PCDHA8: variants seen among roughly 807,000 people sequenced by gnomAD.
PCDHA8 encodes protocadherin alpha-8.
Under a neutral mutation model 61.8 loss-of-function variants are expected in PCDHA8, and 53 were observed. The observed-to-expected ratio is 0.86, with a 90% CI of 0.69 to 1.08. PCDHA8 has a LOEUF of 1.08. Ranked by LOEUF, PCDHA8 falls within the 50% of genes least tolerant of loss-of-function variation. PCDHA8 has a pLI of 0.00. For synonymous variants in PCDHA8, 618 were observed against 556.6 expected, an observed-to-expected ratio of 1.11 and a Z score of -1.55; for missense variants, 1,293 against 1,245.0, an observed-to-expected ratio of 1.04 and a Z score of -0.58.
chr5:140,864,968 G>C (rs1354647495), intron 1 of PCDHA8: 1 of 152,146 alleles, frequency 6.6e-6, no homozygotes, highest in Non-Finnish European at 1.5e-5. Flanking sequence ...GAAGCCGAGG[G>C]AGGAGGATCG....
At chr5:140,978,763 A>G (rs932766044) in intron 1 of PCDHA8, among the ~76,000 whole-genome samples, 186 bp from the exon 2 acceptor site, 11 of 152,258 alleles carry the variant, frequency 7.2e-5, no homozygotes, top group Non-Finnish European at 1.3e-4. Flanking sequence ...GAGGACCCTG[A>G]TGAACTAATT....
At chr5:140,876,004 T>A in intron 1 of PCDHA8, 1 of 1,613,866 alleles carries the variant, frequency 6.2e-7, no homozygotes, top group African/African-American at 1.3e-5. Context: ...AAATGAGAAT[T>A]TTGAGCTTAA....
intron 3 of PCDHA8, among the ~76,000 whole-genome samples, chr5:141,009,108 A>G (rs529319870): frequency 5.3e-5 from 8 of 152,346 alleles, no homozygotes; most frequent in African/African-American, 1.9e-4. Context: ...TGTTACTATG[A>G]AACTAGATTC....
chr5:140,861,023 C>T (rs1192782331), intron 1 of PCDHA8: 1 of 152,246 alleles, frequency 6.6e-6, no homozygotes, highest in Non-Finnish European at 1.5e-5. Context: ...GCCACCGCAC[C>T]CGGCCGAAAG....
chr5:140,976,788 G>A (rs969853431), intron 1 of PCDHA8, among the ~76,000 whole-genome samples: 4 of 152,218 alleles, frequency 2.6e-5, no homozygotes, highest in Middle Eastern at 3.4e-3. Flanking sequence ...ATATAGCTAC[G>A]CTTTTATGAA....
At chr5:140,850,454 C>A (rs2150484793) in intron 1 of PCDHA8, 7 of 1,597,724 alleles carry the variant, frequency 4.4e-6, no homozygotes, top group Non-Finnish European at 5.1e-6. Flanking sequence ...TGGTGAAAGA[C>A]CACGGGGAGC....
rs74520967 is a variant in PCDHA8 at position 140,931,074 on chromosome 5, G to A, written c.2395-47875G>A. Among the ~76,000 whole-genome samples, 869 of 152,264 alleles carry A rather than the reference G, an allele frequency of 5.7e-3. 7 individuals are homozygous for A. The highest frequency in any genetic ancestry group is 0.018 in the African/African-American group (768 of 41,552). ...ATGCTGTGTCTGGGACTAAGTATGAGTCCAGTTCTACAGATGACAAAGGAA... is the reference window on the plus strand; with the variant it reads ...ATGCTGTGTCTGGGACTAAGTATGAATCCAGTTCTACAGATGACAAAGGAA... On this transcript the variant is annotated intron_variant, in intron 1 of 3. Coordinates refer to ENST00000531613, the MANE Select transcript of PCDHA8 (RefSeq NM_018911.3).
At chr5:140,889,745 T>G (rs1295441616) in intron 1 of PCDHA8, among the ~76,000 whole-genome samples, 2 of 152,202 alleles carry the variant, frequency 1.3e-5, no homozygotes, top group Non-Finnish European at 2.9e-5. Flanking sequence ...CAGAGTCTAA[T>G]TTTTCTTTCC....
At chr5:140,952,962 C>A (rs246032) in intron 1 of PCDHA8, among the ~76,000 whole-genome samples, 85,448 of 151,620 alleles carry the variant, frequency 0.56, 24,697 homozygotes, top group African/African-American at 0.69. Context: ...GGAAGTGATA[C>A]ACACTTTTAA....
intron 1 of PCDHA8, among the ~76,000 whole-genome samples, chr5:140,976,072 T>C (rs1193049661): frequency 6.6e-6 from 1 of 152,250 alleles, no homozygotes; most frequent in South Asian, 2.1e-4. Context: ...TGTCTTACTG[T>C]GTCAGATATA....
Position 140,968,743 on chromosome 5 carries a change from C to T in PCDHA8, c.2395-10206C>T, listed in dbSNP as rs112674082. On this transcript the variant is annotated intron_variant, in intron 1 of 3. Coordinates refer to ENST00000531613, the MANE Select transcript of PCDHA8 (RefSeq NM_018911.3). ...AGAGTGGTAGCACTTTCAACCTGAC[C>T]GTGGTGGTCCGAGATAATGGAGAGC... is the stretch of plus-strand genomic sequence containing the variant. The T allele has an allele frequency of 3.4e-5, 55 of 1,614,060 alleles. No individual in the cohort carries two copies. In the African/African-American group the frequency reaches 5.1e-4, roughly 15 times the overall value.
chr5:140,864,439 T>A (rs2048478325), intron 1 of PCDHA8: 1 of 152,242 alleles, frequency 6.6e-6, no homozygotes, highest in South Asian at 2.1e-4. Flanking sequence ...CAATTTTGTT[T>A]CTTCATGATC....
chr5:140,894,375 T>A (rs1246573357), intron 1 of PCDHA8, among the ~76,000 whole-genome samples: 1 of 152,054 alleles, frequency 6.6e-6, no homozygotes, highest in African/African-American at 2.4e-5. Flanking sequence ...ATGGCTCCAA[T>A]TATATTTGTA....
Position 140,849,019 on chromosome 5 carries a change from A to G in PCDHA8, c.2394+5304A>G, listed in dbSNP as rs144148683. On this transcript the variant is annotated intron_variant, in intron 1 of 3. Coordinates refer to ENST00000531613, the MANE Select transcript of PCDHA8 (RefSeq NM_018911.3). ...CTGCTCACTTACAGACTGAGCCCCA[A>G]TGAGTATTTCTTCCTGGACGTGCCA... 14,073 of 1,587,530 alleles carry G rather than the reference A, an allele frequency of 8.9e-3. 240 individuals carry two copies. Among genetic ancestry groups the G allele is most frequent in the Non-Finnish European group, 0.011 (13,037 of 1,163,614 alleles).
intron 1 of PCDHA8, among the ~76,000 whole-genome samples, chr5:140,881,010 T>C (rs782629592): frequency 5.3e-5 from 8 of 152,198 alleles, no homozygotes; most frequent in South Asian, 4.1e-4. Flanking sequence ...AGCAGAGCTA[T>C]GGAAATAAAC....
rs2150350980 is a variant in PCDHA8 at position 140,843,047 on chromosome 5, G to T, written c.1726G>T (p.Ala576Ser). ...LEPRVGGTGGAASKLVPRSVG... is the reference protein window; with the variant it reads ...LEPRVGGTGGSASKLVPRSVG... ...GCCTCGGGTGGGTGGCACTGGTGGC[G>T]CAGCGAGCAAGCTGGTGCCGCGGTC... Residue 576 changes from alanine (A) to serine (S), a missense_variant, in exon 1 of 4, where the codon GCA becomes TCA. Ala to Ser is a moderately conservative substitution (Grantham distance 99, BLOSUM62 1). Coordinates refer to ENST00000531613, the MANE Select transcript of PCDHA8 (RefSeq NM_018911.3). The T allele has an allele frequency of 1.9e-6, 3 of 1,594,938 alleles. No homozygotes were observed. The highest frequency in any genetic ancestry group is 2.6e-6 in the Non-Finnish European group (3 of 1,165,276).
chr5:140,966,486 C>G (rs1563351032), intron 1 of PCDHA8: 1 of 432,846 alleles, frequency 2.3e-6, no homozygotes. Context: ...CTTTTCCCTC[C>G]CCCTGGAGCT....
rs543675270 is a variant in PCDHA8 at position 140,877,484 on chromosome 5, A to G, written c.2394+33769A>G. 2.3e-5 allele frequency: 37 copies of G among 1,613,814 alleles called. No individual in the cohort carries two copies. The highest frequency in any genetic ancestry group is 3.1e-5 in the Non-Finnish European group (36 of 1,179,856). On this transcript the variant is annotated intron_variant, in intron 1 of 3. Transcript: ENST00000531613. ...GCCACGGTGCTGGTGTCGCTGGTGG[A>G]GAACGGCCAGGCCCCAAAGACGTCG...
intron 1 of PCDHA8, chr5:140,851,516 T>TA: frequency 2.2e-6 from 2 of 906,324 alleles, no homozygotes; most frequent in Non-Finnish European, 2.7e-6. Context: ...AAATATGTTT[T>TA]AAAATGCCTG....
Sources: gnomAD v4.1 joint callset for allele counts (sites outside exome capture counted in the v4.1 genomes callset) on GRCh38, gnomAD v4.1.1 for gene constraint, MANE v1.5 for transcripts, NCBI Gene and HGNC (gene_info 2026-07-23, HGNC 2026-07-21) for gene names.